The following PELI2 variants were observed in gnomAD, a reference collection of about 807,000 sequenced individuals.
PELI2 encodes the protein pellino E3 ubiquitin protein ligase family member 2.
A neutral mutation model predicts 42.3 loss-of-function variants in PELI2; 23 were observed. That is an observed-to-expected ratio of 0.54 (90% confidence interval 0.39 to 0.77). The LOEUF (loss-of-function observed/expected upper bound fraction) is 0.77. Among genes scored for constraint, PELI2 ranks in the 30% least tolerant of loss-of-function variants. PELI2 has a pLI of 0.00. For missense variants in PELI2, 463 were observed against 553.2 expected (o/e 0.84, Z 1.64); for synonymous variants, 245 against 212.2 (o/e 1.15, Z -1.34).
chr14:56,276,884 A>G (rs1344201496), intron 2 of PELI2, among the ~76,000 whole-genome samples: 1 of 152,204 alleles, frequency 6.6e-6, no homozygotes, highest in Non-Finnish European at 1.5e-5. Flanking sequence ...TCAACATTCA[A>G]AGCATCCTAC....
intron 2 of PELI2, among the ~76,000 whole-genome samples, chr14:56,251,905 A>C (rs1033372269): frequency 1.3e-5 from 2 of 152,210 alleles, no homozygotes; most frequent in African/African-American, 4.8e-5. Flanking sequence ...ATCTAGATTG[A>C]CATGACAGCT....
intron 1 of PELI2, among the ~76,000 whole-genome samples, chr14:56,166,657 GT>G (rs965101080): frequency 8.6e-5 from 13 of 152,040 alleles, no homozygotes; most frequent in Admixed American, 7.2e-4. Flanking sequence ...CTAGGGTAAA[GT>G]TTTTTTCCTT....
At chr14:56,281,628 G>A (rs772391290) in intron 3 of PELI2, among the ~76,000 whole-genome samples, 6 of 152,038 alleles carry the variant, frequency 3.9e-5, no homozygotes, top group African/African-American at 7.2e-5. Context: ...AGAGCCAAAG[G>A]CAAATTACAA....
At chr14:56,169,022 C>G (rs914579392) in intron 1 of PELI2, among the ~76,000 whole-genome samples, 2 of 152,124 alleles carry the variant, frequency 1.3e-5, no homozygotes, top group African/African-American at 4.8e-5. Flanking sequence ...GGTGCCCTAT[C>G]CTGCTGCGGC....
intron 1 of PELI2, among the ~76,000 whole-genome samples, chr14:56,159,733 T>C (rs1396371551): frequency 2.0e-5 from 3 of 152,222 alleles, no homozygotes; most frequent in African/African-American, 7.2e-5. Context: ...TATTTTGGAT[T>C]GTTAGAGCCA....
At chr14:56,289,698 A>G (rs1889764260) in intron 4 of PELI2, among the ~76,000 whole-genome samples, 1 of 152,108 alleles carries the variant, frequency 6.6e-6, no homozygotes, top group African/African-American at 2.4e-5. Flanking sequence ...CAAGCACCCA[A>G]GAGTGTCTGT....
At chr14:56,254,629 A>C (rs1888461288) in intron 2 of PELI2, among the ~76,000 whole-genome samples, 1 of 152,216 alleles carries the variant, frequency 6.6e-6, no homozygotes, top group Non-Finnish European at 1.5e-5. Flanking sequence ...ACAAAAGCCA[A>C]AATTGACAAA....
intron 2 of PELI2, among the ~76,000 whole-genome samples, chr14:56,270,112 G>A (rs1461166485): frequency 6.6e-6 from 1 of 152,200 alleles, no homozygotes; most frequent in Non-Finnish European, 1.5e-5. Context: ...CTGTACCAGG[G>A]TTTATCGAAT....
intron 2 of PELI2, among the ~76,000 whole-genome samples, chr14:56,214,052 C>T (rs758514361): frequency 1.3e-5 from 2 of 152,120 alleles, no homozygotes; most frequent in Non-Finnish European, 2.9e-5. Context: ...GGGGTTTCAC[C>T]GTGTTGGCCA....
At chr14:56,244,147 C>A (rs1265251077) in intron 2 of PELI2, among the ~76,000 whole-genome samples, 1 of 152,126 alleles carries the variant, frequency 6.6e-6, no homozygotes, top group Non-Finnish European at 1.5e-5. Context: ...GAATATAGAA[C>A]AAAACCTCAG....
At chr14:56,185,729 T>C (rs1404220795) in intron 2 of PELI2, among the ~76,000 whole-genome samples, 2 of 151,742 alleles carry the variant, frequency 1.3e-5, no homozygotes, top group African/African-American at 4.8e-5. Context: ...TTCTGTAATC[T>C]TTTTTTTTCT....
intron 3 of PELI2, among the ~76,000 whole-genome samples, chr14:56,282,141 T>C (rs1437524558): frequency 2.0e-5 from 3 of 152,058 alleles, no homozygotes; most frequent in Admixed American, 6.6e-5. Flanking sequence ...TAGGAAAAGA[T>C]TGGAAACAAC....
intron 3 of PELI2, among the ~76,000 whole-genome samples, chr14:56,287,441 AGAG>A (rs1175357330): frequency 6.6e-6 from 1 of 152,206 alleles, no homozygotes; most frequent in Non-Finnish European, 1.5e-5. Context: ...AATCTAGCAG[AGAG>A]GAGATTTTGC....
At chr14:56,167,631 T>A (rs1225299373) in intron 1 of PELI2, among the ~76,000 whole-genome samples, 1 of 152,256 alleles carries the variant, frequency 6.6e-6, no homozygotes, top group African/African-American at 2.4e-5. Context: ...GCATTCTCTG[T>A]GTGAAAGGTC....
At chr14:56,275,021 A>G (rs1374236201) in intron 2 of PELI2, among the ~76,000 whole-genome samples, 1 of 152,156 alleles carries the variant, frequency 6.6e-6, no homozygotes, top group African/African-American at 2.4e-5. Context: ...GAAGACCTGA[A>G]GAAAGAAACT....
At chr14:56,255,498 A>G (rs188072082) in intron 2 of PELI2, among the ~76,000 whole-genome samples, 1 of 149,560 alleles carries the variant, frequency 6.7e-6, no homozygotes, top group Admixed American at 6.6e-5. Flanking sequence ...GTGGGGGTCT[A>G]GGGGAGGGAT....
chr14:56,213,047 C>T (rs1886765819), intron 2 of PELI2, among the ~76,000 whole-genome samples: 1 of 152,206 alleles, frequency 6.6e-6, no homozygotes, highest in African/African-American at 2.4e-5. Flanking sequence ...CCTAGACCTG[C>T]AGCTTGGCAG....
chr14:56,295,738 G>A (rs756023556), intron 5 of PELI2, among the ~76,000 whole-genome samples: 8 of 152,214 alleles, frequency 5.3e-5, no homozygotes, highest in Non-Finnish European at 8.8e-5. Context: ...CAGCTAATAA[G>A]TGGGAGAGCC....
chr14:56,264,156 G>T (rs945137999), intron 2 of PELI2, among the ~76,000 whole-genome samples: 1 of 152,156 alleles, frequency 6.6e-6, no homozygotes, highest in African/African-American at 2.4e-5. Flanking sequence ...CCAACTAGGC[G>T]AAGCTCTGCC....
Sources: allele counts gnomAD v4.1 joint callset (sites outside exome capture counted in the v4.1 genomes callset), GRCh38; gene constraint gnomAD v4.1.1; transcripts MANE v1.5; gene names NCBI Gene and HGNC (gene_info 2026-07-23, HGNC 2026-07-21).